FRMD5: variants seen among roughly 807,000 people sequenced by gnomAD.
FRMD5 encodes FERM domain-containing protein 5.
FRMD5 carries 20 observed loss-of-function variants against 69.0 expected under a neutral mutation model. That is an observed-to-expected ratio of 0.29 (90% CI 0.20 to 0.42). The LOEUF is 0.42. Among genes scored for constraint, FRMD5 ranks in the 10% least tolerant of loss-of-function variants. The pLI is 1.00. For missense variants in FRMD5, 595 were observed against 708.6 expected, an observed-to-expected ratio of 0.84 and a Z score of 1.82; for synonymous variants, 271 against 260.1, an observed-to-expected ratio of 1.04 and a Z score of -0.40.
At chr15:43,887,881 A>G (rs1225174902) in intron 10 of FRMD5, among the ~76,000 whole-genome samples, 2 of 152,250 alleles carry the variant, frequency 1.3e-5, no homozygotes, top group Admixed American at 6.5e-5. Flanking sequence ...GGGCTTAGTG[A>G]GACATATTTT....
chr15:44,198,836 T>C (rs183833883), upstream of FRMD5, among the ~76,000 whole-genome samples: 10 of 152,336 alleles, frequency 6.6e-5, no homozygotes, highest in African/African-American at 2.2e-4. Flanking sequence ...CAGCGTGCCA[T>C]AGCTTTCATG....
At chr15:43,921,497 G>A (rs1478368301) in intron 2 of FRMD5, among the ~76,000 whole-genome samples, 1 of 152,192 alleles carries the variant, frequency 6.6e-6, no homozygotes, top group African/African-American at 2.4e-5. Flanking sequence ...AGCAAGGGGT[G>A]AGAAGGGACT....
At chr15:44,117,231 T>C (rs2076882288) in intron 1 of FRMD5, among the ~76,000 whole-genome samples, 2 of 152,190 alleles carry the variant, frequency 1.3e-5, no homozygotes, top group Non-Finnish European at 2.9e-5. Flanking sequence ...CTATCCACTT[T>C]CCCAGGACTT....
rs190469837 is a variant in FRMD5 at position 43,961,344 on chromosome 15, A to T, written c.103-37035T>A. ...TCCTCGACACATACACTCTCCCAAG[A>T]CTAAACCAGGAAGAAGTTGAATCTC... On this transcript the variant is annotated intron_variant, in intron 1 of 13. Coordinates refer to ENST00000417257, the MANE Select transcript of FRMD5 (RefSeq NM_032892.5). Among the ~76,000 whole-genome samples the T allele has an allele frequency of 6.1e-3, 923 of 152,324 alleles. 5 individuals are homozygous for T. Among genetic ancestry groups the T allele is most frequent in the Non-Finnish European group, 0.01 (690 of 68,026 alleles).
intron 12 of FRMD5, among the ~76,000 whole-genome samples, chr15:43,884,046 G>A (rs145603825): frequency 7.5e-4 from 114 of 152,074 alleles, no homozygotes; most frequent in African/African-American, 2.6e-3. Flanking sequence ...TTTTTTTAGT[G>A]TGGCAGCAGT....
intron 1 of FRMD5, among the ~76,000 whole-genome samples, chr15:44,098,820 C>A (rs1178997833): frequency 6.6e-6 from 1 of 150,548 alleles, no homozygotes; most frequent in Non-Finnish European, 1.5e-5. Context: ...CTTTTTCCAA[C>A]ATCTACACAC....
intron 1 of FRMD5, among the ~76,000 whole-genome samples, chr15:44,143,815 C>A (rs1250760224): frequency 4.0e-5 from 6 of 150,866 alleles, no homozygotes; most frequent in Non-Finnish European, 5.9e-5. Flanking sequence ...GTCCCAGCTA[C>A]TCGGGAGGCT....
At chr15:44,005,080 A>C (rs1482267333) in intron 1 of FRMD5, among the ~76,000 whole-genome samples, 1 of 152,244 alleles carries the variant, frequency 6.6e-6, no homozygotes, top group African/African-American at 2.4e-5. Context: ...GTGAAGGCTG[A>C]GAGAGATAAG....
rs8043289 is a variant in FRMD5, at chr15:43,883,584, C to G, written c.1135+119G>C. ...ACTGGATAAAACCTCCTACTTGCCA[C>G]TGGAGGCCCTTTTCCCCAAGAGACA... is the stretch of plus-strand genomic sequence containing the variant. On this transcript the variant is annotated intron_variant, in intron 13 of 13. Transcript: ENST00000417257. 6.8e-3 allele frequency: 4,796 copies of G among 703,588 alleles called. 187 individuals are homozygous for G. The African/African-American group carries it at 0.078, about 11-fold the overall frequency. 43.6% of individuals were successfully genotyped at this position (703,588 alleles called of 1,614,324 possible). A position where few individuals can be genotyped will look rare whatever the true frequency, so the allele number is the denominator to read the frequency against.
intron 1 of FRMD5, among the ~76,000 whole-genome samples, chr15:43,936,600 A>C (rs929582936): frequency 6.6e-6 from 1 of 152,102 alleles, no homozygotes; most frequent in African/African-American, 2.4e-5. Flanking sequence ...TCAGTGTAGG[A>C]AAGAACAGAG....
At chr15:43,965,751 T>C (rs2090285054) in intron 1 of FRMD5, among the ~76,000 whole-genome samples, 1 of 151,826 alleles carries the variant, frequency 6.6e-6, no homozygotes, top group Non-Finnish European at 1.5e-5. Context: ...CCAGCTAATT[T>C]TGTACTTTTA....
intron 1 of FRMD5, among the ~76,000 whole-genome samples, chr15:44,045,788 C>A (rs1566917926): frequency 6.6e-6 from 1 of 152,104 alleles, no homozygotes; most frequent in Non-Finnish European, 1.5e-5. Context: ...TAAGTGAATA[C>A]AATGCTGTTG....
chr15:44,180,513 G>A (rs987771465), intron 1 of FRMD5, among the ~76,000 whole-genome samples: 2 of 152,094 alleles, frequency 1.3e-5, no homozygotes, highest in African/African-American at 2.4e-5. Context: ...GGCCAGGCGC[G>A]GCAGCTCACA....
At chr15:43,957,745 G>C (rs1198863057) in intron 1 of FRMD5, among the ~76,000 whole-genome samples, 1 of 152,204 alleles carries the variant, frequency 6.6e-6, no homozygotes, top group Non-Finnish European at 1.5e-5. Context: ...TTGTGCTCTT[G>C]ACAGTCTTTT....
intron 1 of FRMD5, among the ~76,000 whole-genome samples, chr15:44,087,888 T>C (rs903376594): frequency 2.0e-5 from 3 of 152,078 alleles, no homozygotes; most frequent in Admixed American, 6.5e-5. Flanking sequence ...AAAATCAAAA[T>C]TGAAAGCCCA....
intron 7 of FRMD5, among the ~76,000 whole-genome samples, chr15:43,896,516 C>A (rs531817026): frequency 2.0e-5 from 3 of 152,254 alleles, no homozygotes; most frequent in Non-Finnish European, 4.4e-5. Context: ...TGCCATCAAA[C>A]TTCACCTGTG....
intron 1 of FRMD5, among the ~76,000 whole-genome samples, chr15:44,015,805 G>A (rs994647422): frequency 6.6e-6 from 1 of 152,194 alleles, no homozygotes; most frequent in Non-Finnish European, 1.5e-5. Context: ...CTTACAGATA[G>A]ATGGCTTGCC....
intron 6 of FRMD5, among the ~76,000 whole-genome samples, chr15:43,903,460 A>G (rs1396506082): frequency 6.6e-6 from 1 of 152,214 alleles, no homozygotes; most frequent in African/African-American, 2.4e-5. Flanking sequence ...GAAGAAACAC[A>G]GTATACAGTC....
Position 43,995,124 on chromosome 15 carries a change from A to T in FRMD5, c.103-70815T>A, listed in dbSNP as rs534426811. ...ATCCACAGATGCTCAAGTCCCTTAT[A>T]TAAAACAATATAGTATTTGCATATA... On this transcript the variant is annotated intron_variant, in intron 1 of 13. Transcript: ENST00000417257. Among the ~76,000 whole-genome samples, 312 of 152,344 alleles carry T rather than the reference A, an allele frequency of 2.0e-3. 1 individual carries two copies. The highest frequency in any genetic ancestry group is 7.1e-3 in the African/African-American group (295 of 41,572).
Sources: allele counts gnomAD v4.1 joint callset (sites outside exome capture counted in the v4.1 genomes callset), GRCh38; gene constraint gnomAD v4.1.1; transcripts MANE v1.5; gene names NCBI Gene and HGNC (gene_info 2026-07-23, HGNC 2026-07-21).